RGS6: variants seen among roughly 807,000 people sequenced by gnomAD.
The protein encoded by RGS6 is regulator of G-protein signaling 6.
A neutral mutation model predicts 78.5 loss-of-function variants in RGS6; 30 were observed. The observed-to-expected ratio is 0.38, with a 90% CI of 0.29 to 0.52. The LOEUF is 0.52. RGS6 is among the 20% of genes least tolerant of loss of function. RGS6 has a pLI of 0.85. For synonymous variants in RGS6, 206 were observed against 206.0 expected (o/e 1.00, Z 0.00); for missense variants, 495 against 609.7 (o/e 0.81, Z 1.98).
At chr14:72,013,153 G>GCCA (rs1260428024) in intron 2 of RGS6, among the ~76,000 whole-genome samples, 1 of 150,908 alleles carries the variant, frequency 6.6e-6, no homozygotes, top group Non-Finnish European at 1.5e-5. Context: ...TGCCTGTAAT[G>GCCA]CCAACTACTC....
intron 2 of RGS6, among the ~76,000 whole-genome samples, chr14:71,983,992 GTC>G (rs1368954534): frequency 6.6e-6 from 1 of 152,184 alleles, no homozygotes; most frequent in Non-Finnish European, 1.5e-5. Context: ...GTGGCACACA[GTC>G]TCTGTCCTAG....
At chr14:72,055,132 T>C (rs1309510351) in intron 2 of RGS6, among the ~76,000 whole-genome samples, 5 of 152,186 alleles carry the variant, frequency 3.3e-5, no homozygotes, top group African/African-American at 9.7e-5. Flanking sequence ...TTCCCTTGTG[T>C]CTATGCTTAG....
At chr14:71,900,403 T>A in the RGS6 span, among the ~76,000 whole-genome samples, 1 of 152,216 alleles carries the variant, frequency 6.6e-6, no homozygotes, top group Admixed American at 6.5e-5. Flanking sequence ...CCTACTGGCT[T>A]TTGGTCTCCC....
At chr14:71,897,603 C>A in the RGS6 span, among the ~76,000 whole-genome samples, 1 of 152,182 alleles carries the variant, frequency 6.6e-6, no homozygotes, top group Non-Finnish European at 1.5e-5. Flanking sequence ...TCACCACAAC[C>A]TCCACCTCCT....
intron 3 of RGS6, among the ~76,000 whole-genome samples, chr14:72,445,127 A>C (rs1597613956): frequency 6.6e-6 from 1 of 152,154 alleles, no homozygotes; most frequent in Admixed American, 6.5e-5. Context: ...GAAAAGGAGG[A>C]GGCTTTGAAT....
intron 3 of RGS6, among the ~76,000 whole-genome samples, chr14:72,451,560 A>G (rs1326842173): frequency 6.6e-6 from 1 of 152,110 alleles, no homozygotes; most frequent in Non-Finnish European, 1.5e-5. Context: ...CTAATTAGTG[A>G]CATGGATATT....
At chr14:72,505,542 C>G (rs557760495) in intron 13 of RGS6, among the ~76,000 whole-genome samples, 52 of 152,328 alleles carry the variant, frequency 3.4e-4, no homozygotes, top group Non-Finnish European at 5.9e-4. Context: ...TAGTCCTTAA[C>G]ATAATTCTTA....
intron 1 of RGS6, among the ~76,000 whole-genome samples, chr14:71,938,936 C>T (rs928058589): frequency 3.9e-5 from 6 of 152,168 alleles, no homozygotes; most frequent in East Asian, 1.9e-4. Flanking sequence ...CACCTATGGG[C>T]GCCTGCCAAA....
intron 2 of RGS6, among the ~76,000 whole-genome samples, chr14:71,999,641 C>T (rs867464230): frequency 2.6e-5 from 4 of 152,076 alleles, no homozygotes; most frequent in Non-Finnish European, 5.9e-5. Context: ...GGTTTAGCAC[C>T]GTCCCCTTGG....
intron 17 of RGS6, among the ~76,000 whole-genome samples, chr14:72,550,137 T>C (rs1394945486): frequency 6.7e-6 from 1 of 148,548 alleles, no homozygotes; most frequent in African/African-American, 2.5e-5. Flanking sequence ...TTCCTCTCCA[T>C]CTTTTGCTTT....
At chr14:72,413,050 T>C (rs1451339798) in intron 3 of RGS6, among the ~76,000 whole-genome samples, 1 of 152,226 alleles carries the variant, frequency 6.6e-6, no homozygotes, top group Non-Finnish European at 1.5e-5. Context: ...TTCTGTTGAT[T>C]TGGGGTGGAG....
upstream of RGS6, among the ~76,000 whole-genome samples, chr14:71,930,977 CAAAAAAAAAAAAAAAAAAAAAA>C (rs58649273): frequency 1.1e-3 from 18 of 16,650 alleles, no homozygotes; most frequent in East Asian, 2.1e-3. Context: ...AACTACGTCT[CAAAAAAAAAAAAAAAAAAAAAA>C]AAAAAAAAAA....
chr14:72,354,033 C>T (rs1200077348), intron 3 of RGS6, among the ~76,000 whole-genome samples: 3 of 152,026 alleles, frequency 2.0e-5, no homozygotes, highest in Admixed American at 1.3e-4. Context: ...CACACACACA[C>T]GCACACACAG....
intron 2 of RGS6, among the ~76,000 whole-genome samples, chr14:72,183,641 G>A (rs954847232): frequency 3.3e-5 from 5 of 152,068 alleles, no homozygotes; most frequent in South Asian, 2.1e-4. Context: ...TGAATAATAC[G>A]TTAAACCTGG....
At chr14:72,573,357 G>A in the RGS6 span, among the ~76,000 whole-genome samples, 4 of 152,200 alleles carry the variant, frequency 2.6e-5, no homozygotes, top group Non-Finnish European at 5.9e-5. Context: ...ACCACTAGTA[G>A]TGTGGCCTTA....
chr14:72,298,131 A>G (rs543197489), intron 2 of RGS6, among the ~76,000 whole-genome samples: 39 of 152,200 alleles, frequency 2.6e-4, no homozygotes, highest in African/African-American at 8.2e-4. Context: ...TTAATTTACT[A>G]GAGTATTATA....
At chr14:72,509,330 A>C (rs955205051) in intron 13 of RGS6, among the ~76,000 whole-genome samples, 1 of 148,484 alleles carries the variant, frequency 6.7e-6, no homozygotes, top group African/African-American at 2.5e-5. Flanking sequence ...ACGCCACTGC[A>C]CTCCAGCCTG....
intron 2 of RGS6, among the ~76,000 whole-genome samples, chr14:72,299,309 C>T (rs2065564242): frequency 6.6e-6 from 1 of 152,304 alleles, no homozygotes; most frequent in African/African-American, 2.4e-5. Context: ...CCACTCCTCT[C>T]TTTTCAGTCT....
At chr14:72,418,373 G>T (rs2093969237) in intron 3 of RGS6, among the ~76,000 whole-genome samples, 1 of 152,110 alleles carries the variant, frequency 6.6e-6, no homozygotes, top group African/African-American at 2.4e-5. Context: ...CACCATGCTA[G>T]CCAGACTGGT....
Sources: gnomAD v4.1 joint callset for allele counts (sites outside exome capture counted in the v4.1 genomes callset) on GRCh38, gnomAD v4.1.1 for gene constraint, MANE v1.5 for transcripts, NCBI Gene and HGNC (gene_info 2026-07-23, HGNC 2026-07-21) for gene names.